The following LRRC4C variants were observed in gnomAD, a reference collection of about 807,000 sequenced individuals.
LRRC4C encodes the protein leucine rich repeat containing 4C.
A neutral mutation model predicts 33.6 loss-of-function variants in LRRC4C; 5 were observed. That is an observed-to-expected ratio of 0.15 (90% CI 0.08 to 0.31). LRRC4C has a LOEUF of 0.31. Among genes scored for constraint, LRRC4C ranks in the 10% least tolerant of loss-of-function variants. The pLI is 1.00. For missense variants in LRRC4C, 560 were observed against 796.7 expected, an observed-to-expected ratio of 0.70 and a Z score of 3.58; for synonymous variants, 329 against 302.0, an observed-to-expected ratio of 1.09 and a Z score of -0.93.
At position 40,664,825 on chromosome 11, in the gene LRRC4C, G is replaced by A. The variant is rs551323951; in HGVS notation, c.-406-16547C>T. Reference sequence around the variant, plus strand: ...GTTCTAGGGTACATGTGCACAACACGCATGTTTTTTACATATGTATACATG... The same window carrying A: ...GTTCTAGGGTACATGTGCACAACACACATGTTTTTTACATATGTATACATG... On this transcript the variant is annotated intron_variant, in intron 2 of 6. Coordinates refer to ENST00000528697, the MANE Select transcript of LRRC4C (RefSeq NM_001258419.2). Among the ~76,000 whole-genome samples, 17 of 151,866 alleles carry A rather than the reference G, an allele frequency of 1.1e-4. No homozygotes were observed. The East Asian group carries it at 1.9e-3, about 17-fold the overall frequency.
At chr11:41,157,533 A>G (rs1473779202) in intron 1 of LRRC4C, among the ~76,000 whole-genome samples, 1 of 152,166 alleles carries the variant, frequency 6.6e-6, no homozygotes, top group Non-Finnish European at 1.5e-5. Context: ...TCTTAAATCC[A>G]CTATTGGCAG....
At chr11:41,317,498 A>G (rs1183783327) in intron 1 of LRRC4C, among the ~76,000 whole-genome samples, 1 of 152,148 alleles carries the variant, frequency 6.6e-6, no homozygotes. Flanking sequence ...CCCTACTTCC[A>G]TTCCCTCTCA....
At chr11:40,673,125 A>T (rs1944216690) in intron 2 of LRRC4C, among the ~76,000 whole-genome samples, 1 of 152,100 alleles carries the variant, frequency 6.6e-6, no homozygotes, top group African/African-American at 2.4e-5. Flanking sequence ...GGTCTGCTGA[A>T]CAGCTAATTT....
chr11:41,087,971 G>T (rs568696014), intron 1 of LRRC4C, among the ~76,000 whole-genome samples: 1 of 152,032 alleles, frequency 6.6e-6, no homozygotes, highest in African/African-American at 2.4e-5. Flanking sequence ...ATTTATTAGA[G>T]CGCTAAGTTA....
chr11:41,407,120 G>C (rs1347502187), intron 1 of LRRC4C, among the ~76,000 whole-genome samples: 2 of 151,972 alleles, frequency 1.3e-5, no homozygotes, highest in South Asian at 2.1e-4. Flanking sequence ...GAATTTGAAA[G>C]GTCTTTCAGT....
intron 3 of LRRC4C, among the ~76,000 whole-genome samples, chr11:40,579,354 C>T (rs1380671441): frequency 2.0e-5 from 3 of 151,254 alleles, no homozygotes; most frequent in Non-Finnish European, 4.4e-5. Context: ...AAAAAAAGTA[C>T]ATTAAGTAAG....
At chr11:40,313,999 T>G (rs553972705) in intron 4 of LRRC4C, among the ~76,000 whole-genome samples, 1 of 151,670 alleles carries the variant, frequency 6.6e-6, no homozygotes, top group South Asian at 2.1e-4. Flanking sequence ...CAAAAACAAA[T>G]AAATGGGATC....
intron 1 of LRRC4C, among the ~76,000 whole-genome samples, chr11:41,250,091 C>T (rs938922242): frequency 6.6e-6 from 1 of 152,034 alleles, no homozygotes; most frequent in African/African-American, 2.4e-5. Context: ...ATTGCTTTAA[C>T]CCAGGAAGCA....
chr11:40,260,371 A>C lies in LRRC4C; in HGVS notation c.-175-18773T>G, dbSNP rs12795979. Among the ~76,000 whole-genome samples, 3 of 145,522 alleles carry C rather than the reference A, an allele frequency of 2.1e-5. No individual in the cohort carries two copies. In the East Asian group the frequency reaches 6.2e-4, roughly 30 times the overall value. ...TTGAACAATGAGAACACATGGACAC[A>C]GGAAGGGGAACCTCACACTCTGGAG... On this transcript the variant is annotated intron_variant, in intron 4 of 6. Coordinates refer to ENST00000528697, the MANE Select transcript of LRRC4C (RefSeq NM_001258419.2).
chr11:40,607,354 G>A (rs79378985), intron 3 of LRRC4C, among the ~76,000 whole-genome samples: 1 of 152,046 alleles, frequency 6.6e-6, no homozygotes, highest in Non-Finnish European at 1.5e-5. Context: ...ATGCTCAAAT[G>A]TTGCATTTTT....
At chr11:40,169,306 CA>C (rs1325864624) in intron 5 of LRRC4C, among the ~76,000 whole-genome samples, 1 of 152,050 alleles carries the variant, frequency 6.6e-6, no homozygotes, top group Non-Finnish European at 1.5e-5. Flanking sequence ...ATTATTCTAT[CA>C]GGGTGAAATT....
chr11:40,153,106 C>T (rs1179570014), intron 5 of LRRC4C, among the ~76,000 whole-genome samples: 2 of 152,154 alleles, frequency 1.3e-5, no homozygotes, highest in Non-Finnish European at 2.9e-5. Context: ...AGACAGTTCA[C>T]ATCACAGGAC....
At chr11:40,461,216 G>C (rs1043815253) in intron 3 of LRRC4C, among the ~76,000 whole-genome samples, 1 of 152,104 alleles carries the variant, frequency 6.6e-6, no homozygotes, top group Non-Finnish European at 1.5e-5. Flanking sequence ...GAACTCAGAA[G>C]CACTGAATCC....
chr11:40,376,784 T>A (rs1295953407), intron 3 of LRRC4C, among the ~76,000 whole-genome samples: 1 of 151,962 alleles, frequency 6.6e-6, no homozygotes, highest in African/African-American at 2.4e-5. Context: ...GTTAAATGTG[T>A]CTACTACCTA....
chr11:41,216,847 A>G (rs1318119588), intron 1 of LRRC4C, among the ~76,000 whole-genome samples: 7 of 152,342 alleles, frequency 4.6e-5, no homozygotes, highest in African/African-American at 1.2e-4. Context: ...TAAAAATAAT[A>G]AACTATAAAA....
At position 40,411,933 on chromosome 11, in the gene LRRC4C, T is replaced by C. The variant is rs146853657; in HGVS notation, c.-269-92212A>G. Among the ~76,000 whole-genome samples the C allele has an allele frequency of 1.9e-3, 293 of 152,176 alleles. 1 individual carries two copies. Among genetic ancestry groups the C allele is most frequent in the Middle Eastern group, 0.01 (3 of 290 alleles). ...AACCCTATGAGATTAGTTCTAATACTGTTCTCATTTTGTAGGTGAGAAAAC... is the reference window on the plus strand; with the variant it reads ...AACCCTATGAGATTAGTTCTAATACCGTTCTCATTTTGTAGGTGAGAAAAC... On this transcript the variant is annotated intron_variant, in intron 3 of 6. Coordinates refer to ENST00000528697, the MANE Select transcript of LRRC4C (RefSeq NM_001258419.2).
At chr11:41,307,141 A>G (rs928122677) in intron 1 of LRRC4C, among the ~76,000 whole-genome samples, 4 of 151,988 alleles carry the variant, frequency 2.6e-5, no homozygotes, top group Non-Finnish European at 5.9e-5. Context: ...TGGGGGAGAG[A>G]CTCCTTCTGC....
chr11:41,439,117 C>A (rs1296530138), intron 1 of LRRC4C, among the ~76,000 whole-genome samples: 2 of 152,048 alleles, frequency 1.3e-5, no homozygotes, highest in Admixed American at 1.3e-4. Flanking sequence ...CTATGAGTAT[C>A]CATTGTTTAG....
At chr11:40,952,067 G>A (rs1958716862) in intron 1 of LRRC4C, among the ~76,000 whole-genome samples, 1 of 151,816 alleles carries the variant, frequency 6.6e-6, no homozygotes, top group Non-Finnish European at 1.5e-5. Context: ...AGAAAAGTTA[G>A]CTATTATTAA....
Sources: gnomAD v4.1 joint callset for allele counts (sites outside exome capture counted in the v4.1 genomes callset) on GRCh38, gnomAD v4.1.1 for gene constraint, MANE v1.5 for transcripts, NCBI Gene and HGNC (gene_info 2026-07-23, HGNC 2026-07-21) for gene names.